Variants in PIP4P2 observed in about 807,000 individuals in gnomAD.
PIP4P2 encodes the protein phosphatidylinositol-4,5-bisphosphate 4-phosphatase 2, also known as type 2 phosphatidylinositol 4,5-bisphosphate 4-phosphatase.
A neutral mutation model predicts 33.3 loss-of-function variants in PIP4P2; 19 were observed. The ratio of observed to expected loss-of-function variants is 0.57; its 90% CI spans 0.40 to 0.84. The LOEUF is 0.84. PIP4P2 is among the 40% of genes least tolerant of loss of function. PIP4P2 has a pLI of 0.00. For synonymous variants in PIP4P2, 110 were observed against 111.9 expected (o/e 0.98, Z 0.11); for missense variants, 270 against 324.7 (o/e 0.83, Z 1.29).
intron 3 of PIP4P2, among the ~76,000 whole-genome samples, chr8:91,019,863 C>T (rs924164182): frequency 6.6e-6 from 1 of 152,086 alleles, no homozygotes; most frequent in African/African-American, 2.4e-5. Context: ...ACTGGCCTGA[C>T]CTCATTATTT....
At chr8:91,039,080 T>C (rs1812271896) in intron 1 of PIP4P2, among the ~76,000 whole-genome samples, 1 of 152,198 alleles carries the variant, frequency 6.6e-6, no homozygotes, top group African/African-American at 2.4e-5. Context: ...GGCATGAAAA[T>C]AGGTTATAGG....
chr8:90,999,012 G>A lies in PIP4P2; in HGVS notation c.540-2268C>T, dbSNP rs140993977. Among the ~76,000 whole-genome samples, 260 of 152,052 alleles carry A rather than the reference G, an allele frequency of 1.7e-3. 1 individual carries two copies. The highest frequency in any genetic ancestry group is 6.1e-3 in the African/African-American group (253 of 41,524). Reference sequence around the variant, plus strand: ...ACCTACAGAATGGGAGAAAAATTTTGCAAACTATGCATCTGACAAAGGTCT... The same window carrying A: ...ACCTACAGAATGGGAGAAAAATTTTACAAACTATGCATCTGACAAAGGTCT... On this transcript the variant is annotated intron_variant, in intron 5 of 6. Transcript: ENST00000285419.
At chr8:91,040,256 G>C (rs1049422226) in intron 1 of PIP4P2, among the ~76,000 whole-genome samples, 1 of 152,172 alleles carries the variant, frequency 6.6e-6, no homozygotes, top group African/African-American at 2.4e-5. Context: ...AAAAAGATTT[G>C]TGAATGATTG....
At chr8:91,034,572 C>G (rs1457105918) in intron 1 of PIP4P2, among the ~76,000 whole-genome samples, 1 of 152,186 alleles carries the variant, frequency 6.6e-6, no homozygotes, top group Non-Finnish European at 1.5e-5. Context: ...CTCATATTTG[C>G]CAAGGCCCTG....
Position 91,020,188 on chromosome 8 carries a change from A to T in PIP4P2, c.331T>A (p.Ser111Thr). The change falls in exon 3 of 7, where the codon TCT becomes ACT. Residue 111 changes from serine to threonine, a missense_variant. Physicochemically the swap from Ser to Thr is moderately conservative, Grantham distance 58. Transcript: ENST00000285419. Reference sequence around the variant, plus strand: ...GGTCTTGGGCATCCTATTCGCCGAGATGTGTCCTTACAAATGAGAAGACAA... The same window carrying T: ...GGTCTTGGGCATCCTATTCGCCGAGTTGTGTCCTTACAAATGAGAAGACAA... ...CNCLLICKDT[S>T]RRIGCPRPNC... The T allele has an allele frequency of 6.2e-7, 1 of 1,613,804 alleles. No individual in the cohort carries two copies. The highest frequency in any genetic ancestry group is 8.5e-7 in the Non-Finnish European group (1 of 1,179,796).
intron 1 of PIP4P2, among the ~76,000 whole-genome samples, chr8:91,026,700 T>C (rs991082272): frequency 5.3e-5 from 8 of 152,168 alleles, no homozygotes; most frequent in African/African-American, 9.7e-5. Flanking sequence ...CTGACTGATA[T>C]AGAAATTCAT....
intron 1 of PIP4P2, among the ~76,000 whole-genome samples, chr8:91,025,127 T>C (rs535020420): frequency 1.3e-5 from 2 of 151,482 alleles, no homozygotes; most frequent in Non-Finnish European, 2.9e-5. Context: ...ATAATGTAGA[T>C]TTCTGGAGAA....
At position 91,008,797 on chromosome 8, in the gene PIP4P2, T is replaced by G. The variant is rs754246153; in HGVS notation, c.487-2A>C. 3 of 1,597,218 alleles carry G rather than the reference T, an allele frequency of 1.9e-6. No homozygotes were observed. The highest frequency in any genetic ancestry group is 1.7e-6 in the Non-Finnish European group (2 of 1,168,146). On this transcript the variant is annotated splice_acceptor_variant, in intron 4 of 6. Coordinates refer to ENST00000285419, the MANE Select transcript of PIP4P2 (RefSeq NM_018710.3). LOFTEE classifies it high-confidence loss of function. ...AGTGTTGAACCTCAGTTCCATCCAC[T>G]GTAAAATAAACAAAGAGAGGAATTG...
chr8:91,034,110 CCAAA>C (rs1405400094), intron 1 of PIP4P2, among the ~76,000 whole-genome samples: 2 of 152,206 alleles, frequency 1.3e-5, no homozygotes, highest in East Asian at 3.9e-4. Flanking sequence ...CATTTGCCAT[CCAAA>C]CAGTTACTCT....
chr8:91,014,357 C>G (rs191632020), intron 4 of PIP4P2, among the ~76,000 whole-genome samples: 1 of 152,194 alleles, frequency 6.6e-6, no homozygotes, highest in Admixed American at 6.6e-5. Flanking sequence ...TCTCCATCGA[C>G]AGATGAACGG....
chr8:91,024,740 A>G (rs1424208963), intron 1 of PIP4P2, among the ~76,000 whole-genome samples: 2 of 152,152 alleles, frequency 1.3e-5, no homozygotes, highest in Non-Finnish European at 2.9e-5. Flanking sequence ...CTTGTTATCT[A>G]AACAATGGTC....
At chr8:91,039,012 C>A (rs899278821) in intron 1 of PIP4P2, among the ~76,000 whole-genome samples, 5 of 152,112 alleles carry the variant, frequency 3.3e-5, no homozygotes, top group African/African-American at 1.2e-4. Context: ...ATAAAGATGT[C>A]TATAAGCTGA....
chr8:91,004,712 CCT>C (rs756374795), intron 5 of PIP4P2, among the ~76,000 whole-genome samples: 2 of 151,996 alleles, frequency 1.3e-5, no homozygotes, highest in Admixed American at 6.6e-5. Flanking sequence ...GACATGCATC[CCT>C]CTGAGAAGAG....
Position 91,040,818 on chromosome 8 carries a change from G to GCTGCTGCCT in PIP4P2, c.-78_-70dup, listed in dbSNP as rs912827923. 57 of 1,426,312 alleles carry GCTGCTGCCT rather than the reference G, an allele frequency of 4.0e-5. No individual in the cohort carries two copies. The East Asian group carries it at 5.9e-4, about 15-fold the overall frequency. The allele number at this position is 1,426,312 out of a possible 1,614,324, so 88.4% of individuals were successfully genotyped here. A position where few individuals can be genotyped will look rare whatever the true frequency, so the allele number is the denominator to read the frequency against. ...CGGCCTCGGCGGAGTGGTGGCTACT[G>GCTGCTGCCT]CTGCTGCCTCTGCTGCCGCTGCTGC... On this transcript the variant is annotated 5_prime_UTR_variant, in exon 1 of 7. Transcript: ENST00000285419.
intron 1 of PIP4P2, 39 bp downstream of exon 1, chr8:91,040,605 T>C (rs1812292258): frequency 1.9e-6 from 3 of 1,609,290 alleles, no homozygotes; most frequent in South Asian, 1.1e-5. Flanking sequence ...CTTGCAAATC[T>C]ACTTCCTTGC....
intron 3 of PIP4P2, 129 bp from the exon 4 acceptor site, chr8:91,018,642 T>C: frequency 7.1e-7 from 1 of 1,411,894 alleles, no homozygotes; most frequent in Non-Finnish European, 9.6e-7. Flanking sequence ...AATGTCAAGC[T>C]GGAGGCAAAA....
At chr8:91,036,358 T>C (rs551630758) in intron 1 of PIP4P2, among the ~76,000 whole-genome samples, 3 of 152,324 alleles carry the variant, frequency 2.0e-5, no homozygotes, top group African/African-American at 7.2e-5. Flanking sequence ...TGTCTAAAAC[T>C]AAGTTCATTA....
At chr8:91,018,081 C>T (rs888428175) in intron 4 of PIP4P2, among the ~76,000 whole-genome samples, 10 of 152,118 alleles carry the variant, frequency 6.6e-5, no homozygotes, top group South Asian at 2.1e-4. Flanking sequence ...CAGGTGAGAG[C>T]AGGGCTAAGA....
intron 1 of PIP4P2, among the ~76,000 whole-genome samples, chr8:91,031,502 G>A (rs577644437): frequency 2.6e-5 from 4 of 152,192 alleles, no homozygotes; most frequent in Non-Finnish European, 2.9e-5. Flanking sequence ...CAAAAAATTC[G>A]GGGCTTTCTT....
Sources: gnomAD v4.1 joint callset for allele counts (sites outside exome capture counted in the v4.1 genomes callset) on GRCh38, gnomAD v4.1.1 for gene constraint, MANE v1.5 for transcripts, NCBI Gene and HGNC (gene_info 2026-07-23, HGNC 2026-07-21) for gene names.